The following MBTPS1 variants were observed in gnomAD, a reference collection of about 807,000 sequenced individuals.
The protein encoded by MBTPS1 is membrane-bound transcription factor site-1 protease.
In MBTPS1, 94 loss-of-function variants were observed where a neutral mutation model predicts 127.8. That is an observed-to-expected ratio of 0.74 (90% CI 0.62 to 0.87). The LOEUF is 0.87. MBTPS1 is among the 40% of genes least tolerant of loss of function. The pLI is 0.00. For missense variants in MBTPS1, 1,636 were observed against 1,353.2 expected (o/e 1.21, Z -3.28); for synonymous variants, 632 against 509.4 (o/e 1.24, Z -3.24).
At chr16:84,055,905 A>G in intron 22 of MBTPS1, 100 bp downstream of exon 22, 1 of 1,335,014 alleles carries the variant, frequency 7.5e-7, no homozygotes, top group Non-Finnish European at 1.0e-6. Context: ...AGGAAGGCAG[A>G]GACAGGGAGA....
At chr16:84,103,196 G>A (rs1273913004) in intron 1 of MBTPS1, among the ~76,000 whole-genome samples, 3 of 151,998 alleles carry the variant, frequency 2.0e-5, no homozygotes, top group African/African-American at 7.2e-5. Flanking sequence ...CAGGGTAGGG[G>A]ATGGGTAAAT....
intron 22 of MBTPS1, 145 bp from the exon 23 acceptor site, chr16:84,054,790 TTAGC>T: frequency 1.7e-6 from 1 of 592,774 alleles, no homozygotes. Context: ...TTTTTAAGCC[TTAGC>T]TAAAGTAACC....
intron 12 of MBTPS1, among the ~76,000 whole-genome samples, chr16:84,071,124 G>A (rs553926244): frequency 3.3e-5 from 5 of 152,202 alleles, no homozygotes; most frequent in African/African-American, 1.2e-4. Flanking sequence ...CAGATTTAAG[G>A]TTATTTCCCA....
At chr16:84,074,910 G>C in intron 11 of MBTPS1, 169 bp from the exon 12 acceptor site, 1 of 535,960 alleles carries the variant, frequency 1.9e-6, no homozygotes, top group East Asian at 3.2e-5. Context: ...CTCCTGCACA[G>C]ATAAGGCCTC....
At chr16:84,059,271 A>T (rs1374062988) in intron 21 of MBTPS1, 31 bp downstream of exon 21, 1 of 1,593,420 alleles carries the variant, frequency 6.3e-7, no homozygotes, top group Non-Finnish European at 8.6e-7. Context: ...AGCCCCGTGG[A>T]AAGAGTGGAA....
intron 1 of MBTPS1, chr16:84,110,685 TG>T (rs1250715645): frequency 6.6e-6 from 1 of 152,226 alleles, no homozygotes; most frequent in Non-Finnish European, 1.5e-5. Flanking sequence ...AGATGAGAAC[TG>T]AGACCCAGAG....
chr16:84,106,770 T>A (rs1022417850), intron 1 of MBTPS1, among the ~76,000 whole-genome samples: 2 of 152,084 alleles, frequency 1.3e-5, no homozygotes, highest in African/African-American at 4.8e-5. Flanking sequence ...CTGGAGGACT[T>A]CCGTACAAGA....
In MBTPS1 at chr16:84,068,364, G is replaced by T; in HGVS notation, c.2046C>A (p.Phe682Leu). 6.2e-7 allele frequency: 1 copy of T among 1,613,944 alleles called. No homozygotes were observed. Among genetic ancestry groups the T allele is most frequent in the Non-Finnish European group, 8.5e-7 (1 of 1,179,796 alleles). The change falls in exon 15 of 23, where the codon TTC becomes TTA. Residue 682 changes from phenylalanine (F) to leucine (L), a missense_variant. Transcript: ENST00000343411. ...CATACTGACTGGCATCAAAACACGTGAAGGGGGCCCCGAGGACCTCTACAA... is the reference window on the plus strand; with the variant it reads ...CATACTGACTGGCATCAAAACACGTTAAGGGGGCCCCGAGGACCTCTACAA... ...GYFVEVLGAP[F>L]TCFDASQYGT...
intron 20 of MBTPS1, chr16:84,060,479 G>A (rs1046414982): frequency 1.3e-5 from 7 of 549,886 alleles, no homozygotes; most frequent in Non-Finnish European, 1.9e-5. Flanking sequence ...CTGGGTCCTC[G>A]ATCATGGCCC....
rs150264549 is a variant in MBTPS1, at chr16:84,054,283, G to A, written c.*166C>T. The A allele has an allele frequency of 6.0e-3, 2,949 of 487,750 alleles. 17 individuals carry two copies. The highest frequency in any genetic ancestry group is 0.018 in the South Asian group (394 of 21,708). The allele number at this position is 487,750 out of a possible 1,614,324, so 30.2% of individuals were successfully genotyped here. ...CACAGGAATCTTCTCGATGTACCAGGAGCCTCTGCCCATCACAGGAGGGCA... is the reference window on the plus strand; with the variant it reads ...CACAGGAATCTTCTCGATGTACCAGAAGCCTCTGCCCATCACAGGAGGGCA... On this transcript the variant is annotated 3_prime_UTR_variant, in exon 23 of 23. Coordinates refer to ENST00000343411, the MANE Select transcript of MBTPS1 (RefSeq NM_003791.4).
intron 4 of MBTPS1, among the ~76,000 whole-genome samples, chr16:84,094,160 C>T (rs1597340508): frequency 6.6e-6 from 1 of 152,118 alleles, no homozygotes; most frequent in East Asian, 1.9e-4. Flanking sequence ...CAGGCTGGCA[C>T]CTACTGATAC....
chr16:84,058,600 C>T (rs959282425), intron 21 of MBTPS1, among the ~76,000 whole-genome samples: 10 of 152,162 alleles, frequency 6.6e-5, no homozygotes, highest in African/African-American at 2.4e-4. Context: ...GGGCCAGGGA[C>T]GTCACAGAAA....
At chr16:84,103,820 TCTGGCA>T (rs926182185) in intron 1 of MBTPS1, among the ~76,000 whole-genome samples, 2 of 152,212 alleles carry the variant, frequency 1.3e-5, no homozygotes, top group East Asian at 1.9e-4. Flanking sequence ...CAAGCCCATC[TCTGGCA>T]CTGGCACTGG....
chr16:84,114,162 T>A (rs1419005228), intron 1 of MBTPS1, among the ~76,000 whole-genome samples: 1 of 151,810 alleles, frequency 6.6e-6, no homozygotes, highest in Non-Finnish European at 1.5e-5. Flanking sequence ...GGGGTTTCAC[T>A]GTGTTAGCCA....
rs2085749521 is a variant in MBTPS1, at chr16:84,070,143, A to T, written c.1783-105T>A. On this transcript the variant is annotated intron_variant, in intron 13 of 22. Coordinates refer to ENST00000343411, the MANE Select transcript of MBTPS1 (RefSeq NM_003791.4). ...TATCAACTTAACCTAAATAATTTGA[A>T]CACAAGAATTTCCAATAACAAATGT... 3.1e-6 allele frequency: 3 copies of T among 969,568 alleles called. No individual in the cohort carries two copies. The South Asian group carries it at 5.2e-5, about 17-fold the overall frequency. The allele number at this position is 969,568 out of a possible 1,614,324, so 60.1% of individuals were successfully genotyped here. A position where few individuals can be genotyped will look rare whatever the true frequency, so the allele number is the denominator to read the frequency against.
At chr16:84,100,136 G>C in intron 2 of MBTPS1, among the ~76,000 whole-genome samples, 1 of 152,340 alleles carries the variant, frequency 6.6e-6, no homozygotes, top group East Asian at 1.9e-4. Flanking sequence ...TGTAGGCTGG[G>C]CACAGTGGCT....
At chr16:84,070,161 A>G (rs2085749755) in intron 13 of MBTPS1, 123 bp from the exon 14 acceptor site, 1 of 799,808 alleles carries the variant, frequency 1.3e-6, no homozygotes, top group African/African-American at 1.7e-5. Flanking sequence ...ATTTCCAATA[A>G]CAAATGTCTG....
intron 1 of MBTPS1, among the ~76,000 whole-genome samples, chr16:84,114,205 C>T (rs2086438005): frequency 1.3e-5 from 2 of 152,116 alleles, no homozygotes; most frequent in South Asian, 4.1e-4. Flanking sequence ...TCGTGATCTG[C>T]CCGCCTCGGC....
Position 84,060,762 on chromosome 16 carries a change from G to T in MBTPS1, c.2624C>A (p.Thr875Lys). ...CCCAGAGTGACTGAGGCTAGGCGGT[G>T]TCACCCCATACGATGTGTACTGGAG... Reference protein sequence around the residue: ...ALLQYTSYGVTPPSLSHSGNR... With the variant: ...ALLQYTSYGVKPPSLSHSGNR... The change falls in exon 20 of 23, where the codon ACA becomes AAA. Residue 875 changes from threonine to lysine, a missense_variant. Thr to Lys is a moderately conservative substitution (Grantham distance 78, BLOSUM62 -1). Transcript: ENST00000343411. The T allele has an allele frequency of 6.2e-7, 1 of 1,608,888 alleles. No individual in the cohort carries two copies. The highest frequency in any genetic ancestry group is 1.3e-5 in the African/African-American group (1 of 74,990).
Sources: gnomAD v4.1 joint callset for allele counts (sites outside exome capture counted in the v4.1 genomes callset) on GRCh38, gnomAD v4.1.1 for gene constraint, MANE v1.5 for transcripts, NCBI Gene and HGNC (gene_info 2026-07-23, HGNC 2026-07-21) for gene names.